USP53: variants seen among roughly 807,000 people sequenced by gnomAD.
USP53 encodes ubiquitin carboxyl-terminal hydrolase 53.
In USP53, 71 loss-of-function variants were observed where a neutral mutation model predicts 94.9. The ratio of observed to expected loss-of-function variants is 0.75; its 90% confidence interval spans 0.62 to 0.91. USP53 has a LOEUF of 0.91. Among genes scored for constraint, USP53 ranks in the 40% least tolerant of loss-of-function variants. The pLI is 0.00. For synonymous variants in USP53, 375 were observed against 422.7 expected, an observed-to-expected ratio of 0.89 and a Z score of 1.39; for missense variants, 1,173 against 1,281.0, an observed-to-expected ratio of 0.92 and a Z score of 1.29.
intron 18 of USP53, among the ~76,000 whole-genome samples, chr4:119,291,545 G>A (rs373552509): frequency 3.3e-5 from 5 of 152,032 alleles, no homozygotes; most frequent in Admixed American, 6.6e-5. Flanking sequence ...CAAAACTATC[G>A]AGCTGAGATT....
At chr4:119,215,678 C>T (rs1374314563) in intron 2 of USP53, among the ~76,000 whole-genome samples, 2 of 150,798 alleles carry the variant, frequency 1.3e-5, no homozygotes, top group African/African-American at 4.9e-5. Flanking sequence ...AAACATTATT[C>T]ATAGGGGGCT....
intron 4 of USP53, among the ~76,000 whole-genome samples, chr4:119,238,299 T>C (rs1747057637): frequency 6.6e-6 from 1 of 152,122 alleles, no homozygotes. Context: ...GGGGCCATTG[T>C]AGGGTTATGA....
Position 119,239,083 on chromosome 4 carries a change from A to T in USP53, c.-542-135A>T, listed in dbSNP as rs569545938. 23 of 152,332 alleles carry T rather than the reference A, an allele frequency of 1.5e-4. No homozygotes were observed. The East Asian group carries it at 4.2e-3, about 28-fold the overall frequency. The allele number at this position is 152,332 out of a possible 1,614,324, so 9.4% of individuals were successfully genotyped here. A position where few individuals can be genotyped will look rare whatever the true frequency, so the allele number is the denominator to read the frequency against. ...AATGATGAAATTTTTAAAAATTTATATTAGAATGCTATCAGTTCTAATCCT... is the reference window on the plus strand; with the variant it reads ...AATGATGAAATTTTTAAAAATTTATTTTAGAATGCTATCAGTTCTAATCCT... On this transcript the variant is annotated intron_variant, in intron 4 of 18. Coordinates refer to ENST00000692078, the MANE Select transcript of USP53 (RefSeq NM_001371395.1).
At chr4:119,279,850 A>G (rs1753266875) in intron 17 of USP53, among the ~76,000 whole-genome samples, 1 of 152,118 alleles carries the variant, frequency 6.6e-6, no homozygotes, top group African/African-American at 2.4e-5. Context: ...TTCGGGTGGG[A>G]GTGACCCGAT....
chr4:119,243,936 T>G (rs1003486187), intron 5 of USP53, among the ~76,000 whole-genome samples: 3 of 152,210 alleles, frequency 2.0e-5, no homozygotes, highest in African/African-American at 7.2e-5. Flanking sequence ...AATTTAATCC[T>G]TACAACAGCC....
chr4:119,257,649 G>A (rs1230051370), intron 9 of USP53, among the ~76,000 whole-genome samples: 2 of 152,040 alleles, frequency 1.3e-5, no homozygotes, highest in African/African-American at 4.8e-5. Context: ...TTATCTTCCT[G>A]GCTTTATTGA....
chr4:119,274,156 G>C (rs1369928505), intron 17 of USP53, among the ~76,000 whole-genome samples: 5 of 150,078 alleles, frequency 3.3e-5, no homozygotes, highest in Admixed American at 6.7e-5. Flanking sequence ...GTGCAGGTTA[G>C]TTACATATGT....
chr4:119,292,205 T>G, intron 18 of USP53, 133 bp from the exon 19 acceptor site: 1 of 966,918 alleles, frequency 1.0e-6, no homozygotes, highest in Non-Finnish European at 1.4e-6. Flanking sequence ...TCTTTCCATT[T>G]TTGTGGTTTT....
chr4:119,268,464 T>C, intron 14 of USP53, 44 bp downstream of exon 14: 1 of 1,528,974 alleles, frequency 6.5e-7, no homozygotes, highest in South Asian at 1.3e-5. Context: ...CAAGTGAGTG[T>C]CCTCCTTTCT....
In USP53 at chr4:119,292,700, C is replaced by T. The variant is rs1656277003; in HGVS notation, c.2711C>T (p.Ala904Val). The change falls in exon 19 of 19, where the codon GCC becomes GTC. Residue 904 changes from alanine (A) to valine (V), a missense_variant. Transcript: ENST00000692078. ...TCCACAGAATGTATAATTCGGTCAG[C>T]CAGCAGATCTGATGGGTGTCAGATG... Reference protein sequence around the residue: ...SLSTECIIRSASRSDGCQMPK... With the variant: ...SLSTECIIRSVSRSDGCQMPK... 6.2e-7 allele frequency: 1 copy of T among 1,614,016 alleles called. No individual in the cohort carries two copies. Among genetic ancestry groups the T allele is most frequent in the East Asian group, 2.2e-5 (1 of 44,874 alleles).
chr4:119,263,887 T>C (rs1257853487), intron 12 of USP53, among the ~76,000 whole-genome samples: 1 of 152,066 alleles, frequency 6.6e-6, no homozygotes, highest in East Asian at 1.9e-4. Flanking sequence ...CTGCCCAACA[T>C]GGTGAAACCC....
Position 119,271,424 on chromosome 4 carries a change from G to A in USP53, c.1564G>A (p.Val522Ile). The A allele has an allele frequency of 6.2e-7, 1 of 1,613,944 alleles. No homozygotes were observed. The highest frequency in any genetic ancestry group is 8.5e-7 in the Non-Finnish European group (1 of 1,180,010). ...GKGSYKHDRVVPQSRASAQII... is the reference protein window; with the variant it reads ...GKGSYKHDRVIPQSRASAQII... Reference sequence around the variant, plus strand: ...AGGATCATATAAACATGACCGAGTTGTACCTCAGAGTCGAGCTTCTGCACA... The same window carrying A: ...AGGATCATATAAACATGACCGAGTTATACCTCAGAGTCGAGCTTCTGCACA... Residue 522 changes from valine to isoleucine, a missense_variant, in exon 16 of 19, where the codon GTA becomes ATA. Coordinates refer to ENST00000692078, the MANE Select transcript of USP53 (RefSeq NM_001371395.1).
At chr4:119,281,389 A>G (rs891473149) in intron 17 of USP53, among the ~76,000 whole-genome samples, 4 of 152,206 alleles carry the variant, frequency 2.6e-5, no homozygotes, top group Non-Finnish European at 5.9e-5. Flanking sequence ...AGTCTTTGTT[A>G]TGCTTAAGGC....
At chr4:119,240,279 T>C (rs989782512) in intron 5 of USP53, among the ~76,000 whole-genome samples, 1 of 152,172 alleles carries the variant, frequency 6.6e-6, no homozygotes, top group Non-Finnish European at 1.5e-5. Context: ...GCTGCTTGTA[T>C]TGAGATAAGA....
rs1348736369 is a variant in USP53, at chr4:119,274,726, G to C, written c.2251+1018G>C. On this transcript the variant is annotated intron_variant, in intron 17 of 18. Transcript: ENST00000692078. ...ACAGTCCCACCAACAGTGTAAAAGT[G>C]TTCCTATTTCTCCACATCCTCTCCA... Among the ~76,000 whole-genome samples, 310 of 140,430 alleles carry C rather than the reference G, an allele frequency of 2.2e-3. 3 individuals carry two copies. Among genetic ancestry groups the C allele is most frequent in the African/African-American group, 7.6e-3 (299 of 39,392 alleles). The allele number at this position is 140,430 out of a possible 152,430, so 92.1% of individuals were successfully genotyped here.
intron 3 of USP53, among the ~76,000 whole-genome samples, chr4:119,234,240 A>T (rs1462627511): frequency 6.6e-6 from 1 of 152,194 alleles, no homozygotes; most frequent in Non-Finnish European, 1.5e-5. Flanking sequence ...GGAAAAGGTC[A>T]CAACTAGGTC....
intron 6 of USP53, among the ~76,000 whole-genome samples, chr4:119,247,822 T>C (rs62328375): frequency 0.37 from 55,575 of 152,056 alleles, 10,293 homozygotes; most frequent in South Asian, 0.43. Flanking sequence ...TATTCATAAT[T>C]TTAGCTACTA....
intron 9 of USP53, among the ~76,000 whole-genome samples, chr4:119,257,915 G>A (rs956887015): frequency 6.6e-6 from 1 of 152,192 alleles, no homozygotes; most frequent in Non-Finnish European, 1.5e-5. Flanking sequence ...TGAAATGACA[G>A]TGTTCTGAGG....
chr4:119,273,722 T>C lies in USP53; in HGVS notation c.2251+14T>C. ...ATCACTTAGAAGGTAAAAAACTTAT[T>C]TGAATATAATAGTTGCTGTAAAAAA... On this transcript the variant is annotated intron_variant, in intron 17 of 18. Transcript: ENST00000692078. The C allele has an allele frequency of 6.3e-7, 1 of 1,594,632 alleles. No homozygotes were observed.
Sources: allele counts gnomAD v4.1 joint callset (sites outside exome capture counted in the v4.1 genomes callset), GRCh38; gene constraint gnomAD v4.1.1; transcripts MANE v1.5; gene names NCBI Gene and HGNC (gene_info 2026-07-23, HGNC 2026-07-21).